MAP4K3: variants seen among roughly 807,000 people sequenced by gnomAD.
MAP4K3 encodes mitogen-activated protein kinase kinase kinase kinase 3.
In MAP4K3, 94 loss-of-function variants were observed where a neutral mutation model predicts 143.5. That is an observed-to-expected ratio of 0.65 (90% CI 0.55 to 0.78). The LOEUF (loss-of-function observed/expected upper bound fraction) is 0.78, where lower values mean the gene tolerates loss of function less well. Among genes scored for constraint, MAP4K3 ranks in the 30% least tolerant of loss-of-function variants. MAP4K3 has a pLI of 0.00. For missense variants in MAP4K3, 1,077 were observed against 1,068.1 expected, an observed-to-expected ratio of 1.01 and a Z score of -0.12; for synonymous variants, 416 against 347.2, an observed-to-expected ratio of 1.20 and a Z score of -2.20.
chr2:39,315,246 C>A, intron 13 of MAP4K3, 64 bp downstream of exon 13: 1 of 1,151,080 alleles, frequency 8.7e-7, no homozygotes, highest in East Asian at 2.6e-5. Context: ...ACAAAAATAA[C>A]TGTAACTAAA....
chr2:39,396,144 C>T (rs1487287910), intron 1 of MAP4K3, among the ~76,000 whole-genome samples: 1 of 152,148 alleles, frequency 6.6e-6, no homozygotes, highest in African/African-American at 2.4e-5. Context: ...CTCAAACAAT[C>T]TTCCTGCCTC....
intron 1 of MAP4K3, among the ~76,000 whole-genome samples, chr2:39,415,780 C>G (rs1437371639): frequency 2.0e-5 from 3 of 150,078 alleles, no homozygotes; most frequent in Non-Finnish European, 4.4e-5. Flanking sequence ...GGTGAAACCC[C>G]ATCTCTACCA....
intron 1 of MAP4K3, among the ~76,000 whole-genome samples, chr2:39,385,581 TATATATATATA>T: frequency 1.4e-5 from 1 of 72,908 alleles, no homozygotes; most frequent in Non-Finnish European, 3.3e-5. Flanking sequence ...TATATATATA[TATATATATATA>T]TTCTATATAT....
chr2:39,359,551 G>A (rs1665707095), intron 2 of MAP4K3, among the ~76,000 whole-genome samples: 2 of 152,252 alleles, frequency 1.3e-5, no homozygotes, highest in African/African-American at 4.8e-5. Flanking sequence ...GCTGCAGTGG[G>A]AACTCTGTGT....
intron 5 of MAP4K3, 81 bp downstream of exon 5, chr2:39,337,445 A>C (rs1664999584): frequency 9.5e-6 from 9 of 952,068 alleles, no homozygotes; most frequent in Non-Finnish European, 1.5e-5. Flanking sequence ...TTTAGTTCTT[A>C]CTTTGCTGAA....
At chr2:39,386,713 G>A (rs1386718217) in intron 1 of MAP4K3, among the ~76,000 whole-genome samples, 1 of 151,838 alleles carries the variant, frequency 6.6e-6, no homozygotes, top group African/African-American at 2.4e-5. Context: ...CTATATTTGT[G>A]TGGATCTATT....
At position 39,326,350 on chromosome 2, in the gene MAP4K3, A is replaced by T. The variant is rs75589470; in HGVS notation, c.531-73T>A. On this transcript the variant is annotated intron_variant, in intron 8 of 33. Coordinates refer to ENST00000263881, the MANE Select transcript of MAP4K3 (RefSeq NM_003618.4). Reference sequence around the variant, plus strand: ...CTTTATACTCCCACCCAGAGGCACAAGGAATTATCACTATCTAAATTAAGG... The same window carrying T: ...CTTTATACTCCCACCCAGAGGCACATGGAATTATCACTATCTAAATTAAGG... 1.2e-3 allele frequency: 1,841 copies of T among 1,520,922 alleles called. 21 individuals are homozygous for T. In the African/African-American group the frequency reaches 0.023, roughly 19 times the overall value. 94.2% of individuals were successfully genotyped at this position (1,520,922 alleles called of 1,614,324 possible).
intron 16 of MAP4K3, among the ~76,000 whole-genome samples, chr2:39,298,882 T>C (rs1231435169): frequency 6.6e-6 from 1 of 151,554 alleles, no homozygotes; most frequent in Non-Finnish European, 1.5e-5. Flanking sequence ...TGAGAATCAC[T>C]TGAACCCGGG....
intron 1 of MAP4K3, among the ~76,000 whole-genome samples, chr2:39,418,663 T>C (rs1247955022): frequency 5.9e-5 from 9 of 151,910 alleles, no homozygotes; most frequent in African/African-American, 9.7e-5. Flanking sequence ...TTGCCAGTGA[T>C]AAATTATGTC....
At chr2:39,349,151 T>C (rs1665379349) in intron 3 of MAP4K3, among the ~76,000 whole-genome samples, 1 of 152,198 alleles carries the variant, frequency 6.6e-6, no homozygotes. Flanking sequence ...GCTATTCCAC[T>C]ATATTCAGCA....
intron 14 of MAP4K3, among the ~76,000 whole-genome samples, chr2:39,309,110 G>A (rs781774345): frequency 8.0e-5 from 12 of 149,820 alleles, no homozygotes; most frequent in Non-Finnish European, 1.2e-4. Context: ...TGTTTCCCAC[G>A]ATTTTAAAAA....
At chr2:39,268,118 T>C (rs942048408) in intron 26 of MAP4K3, among the ~76,000 whole-genome samples, 5 of 152,320 alleles carry the variant, frequency 3.3e-5, no homozygotes, top group African/African-American at 1.2e-4. Context: ...ACAGATGTTC[T>C]GCAAAGGTGC....
chr2:39,299,058 CTTA>C (rs1682403374), intron 16 of MAP4K3, among the ~76,000 whole-genome samples: 1 of 151,780 alleles, frequency 6.6e-6, no homozygotes, highest in Admixed American at 6.6e-5. Flanking sequence ...ATTATATTCC[CTTA>C]TAAATTAGTT....
chr2:39,251,031 T>C (rs928997231), intron 33 of MAP4K3, among the ~76,000 whole-genome samples: 3 of 152,200 alleles, frequency 2.0e-5, no homozygotes, highest in African/African-American at 7.2e-5. Context: ...AGAAGCTAAA[T>C]TGCCAGGGTC....
chr2:39,307,678 A>C (rs950175373), intron 15 of MAP4K3, among the ~76,000 whole-genome samples: 2 of 151,828 alleles, frequency 1.3e-5, no homozygotes, highest in African/African-American at 2.4e-5. Flanking sequence ...TAAAAAAAAA[A>C]CCCTAATATA....
At chr2:39,257,762 G>T in intron 31 of MAP4K3, among the ~76,000 whole-genome samples, 1 of 139,176 alleles carries the variant, frequency 7.2e-6, no homozygotes, top group Admixed American at 7.6e-5. Flanking sequence ...CTGCACCATT[G>T]CACTCCAGCC....
At chr2:39,310,489 C>T (rs1682903034) in intron 13 of MAP4K3, among the ~76,000 whole-genome samples, 1 of 152,114 alleles carries the variant, frequency 6.6e-6, no homozygotes, top group African/African-American at 2.4e-5. Context: ...TATTTATTCA[C>T]CCATTGATAC....
chr2:39,361,700 A>T (rs1248452249), intron 2 of MAP4K3, among the ~76,000 whole-genome samples: 1 of 151,082 alleles, frequency 6.6e-6, no homozygotes, highest in African/African-American at 2.4e-5. Flanking sequence ...TTTAAACTAC[A>T]TTTTATTTAA....
intron 12 of MAP4K3, among the ~76,000 whole-genome samples, chr2:39,321,649 G>A (rs1167673174): frequency 6.6e-6 from 1 of 152,168 alleles, no homozygotes; most frequent in Non-Finnish European, 1.5e-5. Context: ...CAAGAGGAAG[G>A]CATCTGTCTC....
Sources: gnomAD v4.1 joint callset for allele counts (sites outside exome capture counted in the v4.1 genomes callset) on GRCh38, gnomAD v4.1.1 for gene constraint, MANE v1.5 for transcripts, NCBI Gene and HGNC (gene_info 2026-07-23, HGNC 2026-07-21) for gene names.